ZDHHC14: variants seen among roughly 807,000 people sequenced by gnomAD.
The protein encoded by ZDHHC14 is zDHHC palmitoyltransferase 14, also known as palmitoyltransferase ZDHHC14.
A neutral mutation model predicts 47.7 loss-of-function variants in ZDHHC14; 16 were observed. The ratio of observed to expected loss-of-function variants is 0.34; its 90% CI spans 0.23 to 0.51. The LOEUF (loss-of-function observed/expected upper bound fraction) is 0.51, where lower values mean the gene tolerates loss of function less well. Ranked by LOEUF, ZDHHC14 falls within the 20% of genes least tolerant of loss-of-function variation. The pLI, the probability that ZDHHC14 is intolerant of heterozygous loss-of-function variation, is 0.97. For synonymous variants in ZDHHC14, 293 were observed against 278.9 expected, an observed-to-expected ratio of 1.05 and a Z score of -0.50; for missense variants, 515 against 662.5, an observed-to-expected ratio of 0.78 and a Z score of 2.44.
intron 4 of ZDHHC14, chr6:157,629,795 T>A (rs1460910542): frequency 6.6e-6 from 1 of 152,148 alleles, no homozygotes; most frequent in Non-Finnish European, 1.5e-5. Context: ...ACCCTCTCCC[T>A]CTATTTTCAA....
In ZDHHC14 at chr6:157,658,798, G is replaced by A. The variant is rs543959558; in HGVS notation, c.1068+5171G>A. On this transcript the variant is annotated intron_variant, in intron 8 of 8. Transcript: ENST00000359775. ...TATTTTCTCGTGAAGTCTTTGTCTG[G>A]TGTTGGTATCGGGGTAATACCGGCT... Among the ~76,000 whole-genome samples the A allele has an allele frequency of 3.0e-4, 45 of 152,294 alleles. 1 individual carries two copies. The highest frequency in any genetic ancestry group is 9.1e-4 in the African/African-American group (38 of 41,562).
chr6:157,569,781 T>C (rs192744631), intron 2 of ZDHHC14, among the ~76,000 whole-genome samples: 1 of 152,278 alleles, frequency 6.6e-6, no homozygotes, highest in African/African-American at 2.4e-5. Flanking sequence ...ACACGGAAGC[T>C]ACCTACCATT....
intron 1 of ZDHHC14, among the ~76,000 whole-genome samples, chr6:157,460,381 A>T (rs1473188442): frequency 7.3e-6 from 1 of 136,070 alleles, no homozygotes; most frequent in Non-Finnish European, 1.6e-5. Context: ...CCTGGGCAAC[A>T]GAGCCAGACT....
At chr6:157,383,092 A>T (rs1249610828) in intron 1 of ZDHHC14, among the ~76,000 whole-genome samples, 1 of 152,238 alleles carries the variant, frequency 6.6e-6, no homozygotes, top group African/African-American at 2.4e-5. Context: ...CAGGAAAATC[A>T]AATTGGCCAG....
chr6:157,467,793 G>A (rs747416386), intron 1 of ZDHHC14, among the ~76,000 whole-genome samples: 1 of 151,898 alleles, frequency 6.6e-6, no homozygotes, highest in African/African-American at 2.4e-5. Flanking sequence ...CAGGTAATCC[G>A]CCCATCCCGG....
chr6:157,597,301 G>A (rs1028606040), intron 3 of ZDHHC14, among the ~76,000 whole-genome samples: 1 of 152,168 alleles, frequency 6.6e-6, no homozygotes, highest in Non-Finnish European at 1.5e-5. Context: ...GGCTCACTAT[G>A]TATGTTTTAA....
chr6:157,609,260 G>T (rs909336632), intron 3 of ZDHHC14, among the ~76,000 whole-genome samples: 3 of 152,166 alleles, frequency 2.0e-5, no homozygotes, highest in Admixed American at 6.5e-5. Flanking sequence ...GTGTCAAAAG[G>T]TGCGCACCTG....
chr6:157,508,526 T>G (rs951531760), intron 1 of ZDHHC14, among the ~76,000 whole-genome samples: 13 of 152,070 alleles, frequency 8.5e-5, no homozygotes, highest in African/African-American at 3.1e-4. Flanking sequence ...CCACCATGTC[T>G]GAGTAATTTT....
intron 2 of ZDHHC14, among the ~76,000 whole-genome samples, chr6:157,562,402 T>C (rs1170783123): frequency 6.6e-6 from 1 of 152,162 alleles, no homozygotes; most frequent in Non-Finnish European, 1.5e-5. Flanking sequence ...TCTGTGAGCG[T>C]GGCGAGGGGT....
intron 1 of ZDHHC14, among the ~76,000 whole-genome samples, chr6:157,541,976 C>G (rs1461769514): frequency 6.6e-6 from 1 of 152,186 alleles, no homozygotes; most frequent in African/African-American, 2.4e-5. Context: ...TGCTGAAATC[C>G]CTTAAATCTT....
intron 1 of ZDHHC14, among the ~76,000 whole-genome samples, chr6:157,403,999 T>C (rs1478855206): frequency 6.6e-6 from 1 of 152,256 alleles, no homozygotes; most frequent in Admixed American, 6.5e-5. Context: ...TAAGGGCTGG[T>C]AGCTTACTTA....
chr6:157,631,054 AC>A (rs1020833846), intron 4 of ZDHHC14: 1 of 150,368 alleles, frequency 6.7e-6, no homozygotes, highest in Non-Finnish European at 1.5e-5. Flanking sequence ...ACCCCCACAC[AC>A]CCTTATACAC....
At chr6:157,562,374 G>T (rs909834054) in intron 2 of ZDHHC14, among the ~76,000 whole-genome samples, 1 of 152,212 alleles carries the variant, frequency 6.6e-6, no homozygotes, top group African/African-American at 2.4e-5. Flanking sequence ...TGGACGCTGG[G>T]ACTCCTGGGC....
chr6:157,570,012 C>T (rs894799350), intron 2 of ZDHHC14, among the ~76,000 whole-genome samples: 6 of 152,230 alleles, frequency 3.9e-5, no homozygotes, highest in African/African-American at 1.4e-4. Flanking sequence ...GAGCTTAGGA[C>T]CATAATAGAT....
chr6:157,636,979 G>C (rs1272596752), intron 5 of ZDHHC14, among the ~76,000 whole-genome samples: 2 of 152,210 alleles, frequency 1.3e-5, no homozygotes, highest in Non-Finnish European at 2.9e-5. Flanking sequence ...TTGGAGAAGA[G>C]TTCCTCCTCC....
intron 2 of ZDHHC14, among the ~76,000 whole-genome samples, chr6:157,555,533 A>T (rs1486105939): frequency 6.6e-6 from 1 of 152,246 alleles, no homozygotes; most frequent in African/African-American, 2.4e-5. Flanking sequence ...TTACTTAGAA[A>T]ATTAATCATT....
chr6:157,620,524 G>T (rs571164845), intron 3 of ZDHHC14, among the ~76,000 whole-genome samples: 1 of 152,252 alleles, frequency 6.6e-6, no homozygotes, highest in African/African-American at 2.4e-5. Flanking sequence ...CCATGTCTCT[G>T]TAAGAAGTTT....
chr6:157,617,954 G>T (rs775938684), intron 3 of ZDHHC14, among the ~76,000 whole-genome samples: 2 of 152,176 alleles, frequency 1.3e-5, no homozygotes, highest in African/African-American at 4.8e-5. Flanking sequence ...TTACAAATGC[G>T]TCAGCCATTC....
intron 3 of ZDHHC14, among the ~76,000 whole-genome samples, chr6:157,594,574 CTG>C (rs1784045260): frequency 6.6e-6 from 1 of 152,196 alleles, no homozygotes; most frequent in South Asian, 2.1e-4. Flanking sequence ...AGCAGACGCT[CTG>C]TGATTGTTAG....
Sources: gnomAD v4.1 joint callset for allele counts (sites outside exome capture counted in the v4.1 genomes callset) on GRCh38, gnomAD v4.1.1 for gene constraint, MANE v1.5 for transcripts, NCBI Gene and HGNC (gene_info 2026-07-23, HGNC 2026-07-21) for gene names.